TMEM176A: variants seen among roughly 807,000 people sequenced by gnomAD.
The protein encoded by TMEM176A is hepatocellular carcinoma-associated antigen 112.
TMEM176A carries 20 observed loss-of-function variants against 27.9 expected under a neutral mutation model. That is an observed-to-expected ratio of 0.72 (90% CI 0.50 to 1.04). TMEM176A has a LOEUF of 1.04. TMEM176A is among the 50% of genes least tolerant of loss of function. The probability of loss-of-function intolerance (pLI) is 0.00; values close to 1 mark genes in which losing one functional copy is unlikely to be tolerated. For synonymous variants in TMEM176A, 125 were observed against 118.0 expected, an observed-to-expected ratio of 1.06 and a Z score of -0.38; for missense variants, 252 against 289.1, an observed-to-expected ratio of 0.87 and a Z score of 0.93.
At chr7:150,801,387 C>A (rs1412407168) in intron 1 of TMEM176A, 149 bp from the exon 2 acceptor site, 1 of 719,228 alleles carries the variant, frequency 1.4e-6, no homozygotes, top group South Asian at 2.1e-5. Context: ...ACATTCCCCT[C>A]GTGAGGGGCC....
intron 1 of TMEM176A, 171 bp from the exon 2 acceptor site, chr7:150,801,365 C>G (rs938224422): frequency 3.7e-5 from 22 of 600,084 alleles, no homozygotes; most frequent in Non-Finnish European, 5.8e-5. Flanking sequence ...GTCAGCACCC[C>G]CTCTGCTACA....
intron 2 of TMEM176A, 122 bp downstream of exon 2, chr7:150,801,846 C>T (rs1798805301): frequency 2.0e-6 from 2 of 1,025,504 alleles, no homozygotes; most frequent in Admixed American, 2.9e-5. Flanking sequence ...TCTTACTTAG[C>T]GATGTGATTC....
chr7:150,801,764 C>G (rs1191769976), intron 2 of TMEM176A, 40 bp downstream of exon 2: 12 of 1,452,668 alleles, frequency 8.3e-6, no homozygotes, highest in Non-Finnish European at 9.9e-6. Context: ...GCGGGAGGAA[C>G]TCCCCACCTC....
chr7:150,804,392 T>C lies in TMEM176A; in HGVS notation c.586T>C (p.Leu196=), dbSNP rs1291678010. ...GTTCAGAACCCTTCAGGCCATGCTC[T>C]TGGGTGTCTGGATTCTGCTGCTTCT... The part of the protein sequence containing the change: ...ALFRTLQAML[L]GVWILLLLAS... The change falls in exon 6 of 7, where the codon TTG becomes CTG. Residue 196 remains leucine (L), a synonymous_variant. Transcript: ENST00000004103. 1 of 1,614,198 alleles carries C rather than the reference T, an allele frequency of 6.2e-7. No individual in the cohort carries two copies. Among genetic ancestry groups the C allele is most frequent in the Admixed American group, 1.7e-5 (1 of 60,020 alleles).
intron 1 of TMEM176A, 140 bp from the exon 2 acceptor site, chr7:150,801,396 C>T: frequency 1.3e-6 from 1 of 782,874 alleles, no homozygotes; most frequent in Non-Finnish European, 2.0e-6. Flanking sequence ...TCGTGAGGGG[C>T]CAGGGGTGCG....
Position 150,801,671 on chromosome 7 carries a change from C to T in TMEM176A, c.121C>T (p.Arg41Trp), listed in dbSNP as rs142016485. 3.1e-6 allele frequency: 5 copies of T among 1,607,212 alleles called. No individual in the cohort carries two copies. The African/African-American group carries it at 4.0e-5, about 13-fold the overall frequency. Residue 41 changes from arginine to tryptophan, a missense_variant, in exon 2 of 7, where the codon CGG (arginine) becomes TGG (tryptophan). Coordinates refer to ENST00000004103, the MANE Select transcript of TMEM176A (RefSeq NM_018487.3). ...CCTGCTCACCTGCTGCTCTGCGCTG[C>T]GGCCCCGGGCCACCCAGGCCAGGGG... ...KLLLTCCSAL[R>W]PRATQARGSS...
chr7:150,803,026 CACTCTGTATAG>C lies in TMEM176A; in HGVS notation c.286-369_286-359del, dbSNP rs1798849059. On this transcript the variant is annotated intron_variant, in intron 3 of 6. Transcript: ENST00000004103. ...ACAGGCTTCTAGACCTAACAGTGCC[CACTCTGTATAG>C]ACTCACCCTTCATTGAGATCTTCTC... 7 of 1,001,162 alleles carry C rather than the reference CACTCTGTATAG, an allele frequency of 7.0e-6. No individual in the cohort carries two copies. The South Asian group carries it at 3.2e-4, about 46-fold the overall frequency. 62.0% of individuals were successfully genotyped at this position (1,001,162 alleles called of 1,614,324 possible). A position where few individuals can be genotyped will look rare whatever the true frequency, so the allele number is the denominator to read the frequency against.
Position 150,801,862 on chromosome 7 carries a change from C to T in TMEM176A, c.174+138C>T, listed in dbSNP as rs556684588. ...CTTACTTAGCGATGTGATTCTCTGGCCTTCTCAGTAAGAGCCTGGGGAGGG... is the reference window on the plus strand; with the variant it reads ...CTTACTTAGCGATGTGATTCTCTGGTCTTCTCAGTAAGAGCCTGGGGAGGG... On this transcript the variant is annotated intron_variant, in intron 2 of 6. Transcript: ENST00000004103. 5.3e-5 allele frequency: 50 copies of T among 944,514 alleles called. No individual in the cohort carries two copies. In the South Asian group the frequency reaches 7.7e-4, roughly 15 times the overall value. 58.5% of individuals were successfully genotyped at this position (944,514 alleles called of 1,614,324 possible).
At chr7:150,801,767 C>T (rs762555555) in intron 2 of TMEM176A, 43 bp downstream of exon 2, 6 of 1,450,854 alleles carry the variant, frequency 4.1e-6, no homozygotes, top group Non-Finnish European at 4.5e-6. Context: ...GGAGGAACTC[C>T]CCACCTCCAG....
In TMEM176A at chr7:150,801,992, C is replaced by T. The variant is rs552531985; in HGVS notation, c.175-223C>T. ...CCTCTGGGCCAAACTCAGGATGGGC[C>T]GGCTCTCCTCTCCTTCCTTTCCCTT... On this transcript the variant is annotated intron_variant, in intron 2 of 6. Coordinates refer to ENST00000004103, the MANE Select transcript of TMEM176A (RefSeq NM_018487.3). 6 of 612,516 alleles carry T rather than the reference C, an allele frequency of 9.8e-6. No individual in the cohort carries two copies. The East Asian group carries it at 1.1e-4, about 11-fold the overall frequency. 37.9% of individuals were successfully genotyped at this position (612,516 alleles called of 1,614,324 possible).
intron 2 of TMEM176A, 101 bp downstream of exon 2, chr7:150,801,825 C>A (rs908849888): frequency 2.6e-6 from 3 of 1,151,106 alleles, no homozygotes; most frequent in Non-Finnish European, 3.6e-6. Context: ...GACACCGAGC[C>A]AGTTATGTCT....
intron 2 of TMEM176A, chr7:150,802,000 CTCT>C: frequency 1.6e-6 from 1 of 610,718 alleles, no homozygotes; most frequent in Non-Finnish European, 2.9e-6. Context: ...GCCGGCTCTC[CTCT>C]CCTTCCTTTC....
chr7:150,803,224 A>G (rs1219208125), intron 3 of TMEM176A, 176 bp from the exon 4 acceptor site: 2 of 1,347,680 alleles, frequency 1.5e-6, no homozygotes, highest in Non-Finnish European at 1.9e-6. Flanking sequence ...TTGCAGCCTC[A>G]GGAGTTGGAT....
intron 2 of TMEM176A, 42 bp downstream of exon 2, chr7:150,801,766 C>A (rs775204038): frequency 1.4e-6 from 2 of 1,451,040 alleles, no homozygotes; most frequent in South Asian, 1.4e-5. Context: ...GGGAGGAACT[C>A]CCCACCTCCA....
intron 1 of TMEM176A, 129 bp downstream of exon 1, chr7:150,800,957 A>G (rs13650): frequency 0.34 from 333,960 of 985,500 alleles, 60,698 homozygotes; most frequent in East Asian, 0.82. Flanking sequence ...AGGGGACTGC[A>G]GAGGAAGCCA....
chr7:150,804,550 T>A (rs1194634556), intron 6 of TMEM176A, 78 bp downstream of exon 6: 75 of 1,303,306 alleles, frequency 5.8e-5, no homozygotes, highest in Non-Finnish European at 8.1e-5. Flanking sequence ...CAGTGGACAG[T>A]TTGGGGAGGA....
In TMEM176A at chr7:150,804,428, A is replaced by T. The variant is rs9088; in HGVS notation, c.622A>T (p.Thr208Ser). The T allele has an allele frequency of 6.2e-7, 1 of 1,613,932 alleles. No individual in the cohort carries two copies. Among genetic ancestry groups the T allele is most frequent in the East Asian group, 2.2e-5 (1 of 44,878 alleles). ...GATTCTGCTGCTTCTGGCATCTCTG[A>T]CCCCTCTGTGGCTGTACTGCTGGAG... The part of the protein sequence containing the change: ...VWILLLLASL[T>S]PLWLYCWRMF... The change falls in exon 6 of 7, where the codon ACC becomes TCC. Residue 208 changes from threonine to serine, a missense_variant. By Grantham distance (58) the Thr-to-Ser change is moderately conservative. Transcript: ENST00000004103.
intron 6 of TMEM176A, 124 bp downstream of exon 6, chr7:150,804,596 A>T (rs1798884628): frequency 3.2e-6 from 3 of 946,898 alleles, no homozygotes. Flanking sequence ...ACCTATTATC[A>T]TGCCTGTCTT....
chr7:150,802,767 A>AGTTTGC lies in TMEM176A; in HGVS notation c.285+443_285+448dup, dbSNP rs1339547609. 3.9e-5 allele frequency: 39 copies of AGTTTGC among 1,000,056 alleles called. No homozygotes were observed. In the African/African-American group the frequency reaches 5.7e-4, roughly 15 times the overall value. The allele number at this position is 1,000,056 out of a possible 1,614,324, so 61.9% of individuals were successfully genotyped here. On this transcript the variant is annotated intron_variant, in intron 3 of 6. Coordinates refer to ENST00000004103, the MANE Select transcript of TMEM176A (RefSeq NM_018487.3). ...TTGTTGTCAACAGATGGGTGTGTGC[A>AGTTTGC]GTTTGCACAGGAGCTGGGTAGGCTG...
Sources: allele counts gnomAD v4.1 joint callset, GRCh38; gene constraint gnomAD v4.1.1; transcripts MANE v1.5; gene names NCBI Gene and HGNC (gene_info 2026-07-23, HGNC 2026-07-21).